Variants in NKAIN3 observed in about 807,000 individuals in gnomAD.
The protein encoded by NKAIN3 is sodium/potassium transporting ATPase interacting 3, also known as sodium/potassium-transporting ATPase subunit beta-1-interacting protein 3.
In NKAIN3, 25 loss-of-function variants were observed where a neutral mutation model predicts 30.2. That is an observed-to-expected ratio of 0.83 (90% confidence interval 0.60 to 1.16). The LOEUF (loss-of-function observed/expected upper bound fraction) is 1.16, where lower values mean the gene tolerates loss of function less well. NKAIN3 is among the 50% of genes most tolerant of loss of function. NKAIN3 has a pLI of 0.00. For missense variants in NKAIN3, 225 were observed against 254.1 expected (o/e 0.89, Z 0.78); for synonymous variants, 91 against 89.6 (o/e 1.02, Z -0.09).
chr8:62,482,895 G>C (rs1806770836), intron 1 of NKAIN3: 1 of 152,308 alleles, frequency 6.6e-6, no homozygotes, highest in South Asian at 2.1e-4. Context: ...AGGGAGTCAG[G>C]ATAGGAGGGC....
At position 62,394,978 on chromosome 8, in the gene NKAIN3, C is replaced by T. The variant is rs377522934; in HGVS notation, c.54+145851C>T. ...GCAGAGGCGCTCCTCACTTCCCAGACGGGTCGGCGGCCGGACAGAGGCGCT... is the reference window on the plus strand; with the variant it reads ...GCAGAGGCGCTCCTCACTTCCCAGATGGGTCGGCGGCCGGACAGAGGCGCT... On this transcript the variant is annotated intron_variant, in intron 1 of 6. Transcript: ENST00000623646. 5.4e-5 allele frequency among the ~76,000 whole-genome samples: 8 copies of T among 148,948 alleles called. 1 individual carries two copies. Among genetic ancestry groups the T allele is most frequent in the Admixed American group, 1.3e-4 (2 of 14,968 alleles).
chr8:62,524,869 T>C (rs1348771091), intron 1 of NKAIN3, among the ~76,000 whole-genome samples: 2 of 152,166 alleles, frequency 1.3e-5, no homozygotes, highest in African/African-American at 4.8e-5. Context: ...CTTGAGGTAC[T>C]CCGGTTTAAT....
intron 1 of NKAIN3, among the ~76,000 whole-genome samples, chr8:62,256,346 G>A: frequency 6.6e-6 from 1 of 152,182 alleles, no homozygotes; most frequent in East Asian, 1.9e-4. Flanking sequence ...TTGAACTCAG[G>A]AGGTGAAGGC....
intron 1 of NKAIN3, among the ~76,000 whole-genome samples, chr8:62,303,377 T>TCCTCCA (rs1563926048): frequency 6.6e-6 from 1 of 150,490 alleles, no homozygotes; most frequent in Non-Finnish European, 1.5e-5. Context: ...CATGTATTTT[T>TCCTCCA]AATGAGATCT....
intron 3 of NKAIN3, among the ~76,000 whole-genome samples, chr8:62,696,604 A>G (rs1315382426): frequency 6.6e-6 from 1 of 152,236 alleles, no homozygotes; most frequent in Admixed American, 6.5e-5. Flanking sequence ...TTAGAATCCA[A>G]TGTGATAGAA....
chr8:62,854,442 A>G (rs1259887902), intron 4 of NKAIN3, among the ~76,000 whole-genome samples: 1 of 152,208 alleles, frequency 6.6e-6, no homozygotes, highest in African/African-American at 2.4e-5. Context: ...AACCTTTGCC[A>G]TTATGTAATG....
intron 4 of NKAIN3, among the ~76,000 whole-genome samples, chr8:62,803,920 G>T (rs1344130815): frequency 6.6e-6 from 1 of 152,114 alleles, no homozygotes; most frequent in Non-Finnish European, 1.5e-5. Context: ...AATAAAAAAT[G>T]ATAAAGGGGA....
chr8:62,628,001 C>A (rs913145537), intron 3 of NKAIN3, among the ~76,000 whole-genome samples: 3 of 152,082 alleles, frequency 2.0e-5, no homozygotes, highest in African/African-American at 7.2e-5. Flanking sequence ...TAAATGGAGT[C>A]CATTATCATC....
chr8:62,413,343 T>C (rs1364132181), intron 1 of NKAIN3, among the ~76,000 whole-genome samples: 2 of 152,206 alleles, frequency 1.3e-5, no homozygotes, highest in Non-Finnish European at 2.9e-5. Flanking sequence ...TGGTATATTC[T>C]ACCAGGATAC....
At chr8:62,428,554 G>A (rs906478865) in intron 1 of NKAIN3, among the ~76,000 whole-genome samples, 1 of 151,882 alleles carries the variant, frequency 6.6e-6, no homozygotes, top group Non-Finnish European at 1.5e-5. Context: ...ACTCGGGTGA[G>A]ATAATATCTC....
At chr8:62,938,613 G>A (rs1009964896) in intron 5 of NKAIN3, among the ~76,000 whole-genome samples, 29 of 152,226 alleles carry the variant, frequency 1.9e-4, no homozygotes, top group African/African-American at 6.3e-4. Flanking sequence ...CCCAGAGCCC[G>A]GTAGCTCTGC....
chr8:62,306,450 G>GA (rs1814241172), intron 1 of NKAIN3, among the ~76,000 whole-genome samples: 1 of 149,982 alleles, frequency 6.7e-6, no homozygotes, highest in South Asian at 2.1e-4. Flanking sequence ...TAATGAGATA[G>GA]TTTTTCCCAG....
At chr8:62,719,753 C>CTTTTTTTTTTTT in intron 3 of NKAIN3, among the ~76,000 whole-genome samples, 1 of 90,472 alleles carries the variant, frequency 1.1e-5, no homozygotes, top group Non-Finnish European at 2.2e-5. Flanking sequence ...ACATTTCTTT[C>CTTTTTTTTTTTT]TTTTTTTTTT....
chr8:62,500,453 GAAAGAA>G (rs1554540097), intron 1 of NKAIN3, among the ~76,000 whole-genome samples: 1 of 119,468 alleles, frequency 8.4e-6, no homozygotes, highest in East Asian at 2.4e-4. Context: ...AAGAAAGAAA[GAAAGAA>G]AGAAAGAAAG....
intron 1 of NKAIN3, among the ~76,000 whole-genome samples, chr8:62,517,082 A>G (rs1270790013): frequency 6.6e-6 from 1 of 152,124 alleles, no homozygotes; most frequent in Non-Finnish European, 1.5e-5. Flanking sequence ...TCTTTATAAA[A>G]GCAGTCTTTT....
At chr8:62,284,348 A>G (rs575358288) in intron 1 of NKAIN3, among the ~76,000 whole-genome samples, 21 of 152,080 alleles carry the variant, frequency 1.4e-4, no homozygotes, top group African/African-American at 5.1e-4. Context: ...GGTAGACTGT[A>G]CCCAGGCGCG....
rs186285469 is a variant in NKAIN3, at chr8:62,316,737, A to G, written c.54+67610A>G. ...TATTGTGAATAGTGCCACAATAAAC[A>G]TATGTGTGCGTATGTCTTTATAGCA... is the stretch of plus-strand genomic sequence containing the variant. On this transcript the variant is annotated intron_variant, in intron 1 of 6. Coordinates refer to ENST00000623646, the MANE Select transcript of NKAIN3 (RefSeq NM_001304533.3). Among the ~76,000 whole-genome samples, 740 of 152,268 alleles carry G rather than the reference A, an allele frequency of 4.9e-3. 8 individuals carry two copies. Among genetic ancestry groups the G allele is most frequent in the African/African-American group, 0.017 (704 of 41,548 alleles).
intron 1 of NKAIN3, among the ~76,000 whole-genome samples, chr8:62,348,090 A>G (rs1816064298): frequency 6.6e-6 from 1 of 152,080 alleles, no homozygotes; most frequent in Non-Finnish European, 1.5e-5. Flanking sequence ...GCTGCCATCC[A>G]TCTGCAGCCT....
chr8:62,799,445 T>A (rs1817982002), intron 4 of NKAIN3, among the ~76,000 whole-genome samples: 1 of 152,046 alleles, frequency 6.6e-6, no homozygotes, highest in East Asian at 1.9e-4. Flanking sequence ...TACGGAAAAA[T>A]GCTCAACATC....
Sources: gnomAD v4.1 joint callset for allele counts (sites outside exome capture counted in the v4.1 genomes callset) on GRCh38, gnomAD v4.1.1 for gene constraint, MANE v1.5 for transcripts, NCBI Gene and HGNC (gene_info 2026-07-23, HGNC 2026-07-21) for gene names.